SORCS3: variants seen among roughly 807,000 people sequenced by gnomAD.
SORCS3 encodes sortilin related VPS10 domain containing receptor 3, also known as VPS10 domain-containing receptor SorCS3.
Under a neutral mutation model 146.3 loss-of-function variants are expected in SORCS3, and 57 were observed. That is an observed-to-expected ratio of 0.39 (90% CI 0.31 to 0.49). The LOEUF (loss-of-function observed/expected upper bound fraction) is 0.49, where lower values mean the gene tolerates loss of function less well. SORCS3 is among the 20% of genes least tolerant of loss of function. The pLI is 0.92. For synonymous variants in SORCS3, 653 were observed against 618.5 expected (o/e 1.06, Z -0.83); for missense variants, 1,341 against 1,575.5 (o/e 0.85, Z 2.52).
intron 1 of SORCS3, among the ~76,000 whole-genome samples, chr10:104,706,201 C>CTTTTTTTTTTTTTTTTTTTTTTTTTTTTT (rs1162969172): frequency 5.8e-5 from 5 of 85,874 alleles, no homozygotes; most frequent in Non-Finnish European, 8.5e-5. Context: ...TTTTCTTCTT[C>CTTTTTTTTTTTTTTTTTTTTTTTTTTTTT]TTTTTTTTTT....
At chr10:105,017,627 T>C (rs1232334531) in intron 4 of SORCS3, among the ~76,000 whole-genome samples, 1 of 152,218 alleles carries the variant, frequency 6.6e-6, no homozygotes, top group African/African-American at 2.4e-5. Context: ...TCCTAGCACA[T>C]AAAATGTTGC....
intron 7 of SORCS3, among the ~76,000 whole-genome samples, chr10:105,106,498 T>C (rs1203602260): frequency 2.6e-5 from 4 of 152,282 alleles, no homozygotes; most frequent in African/African-American, 9.6e-5. Flanking sequence ...TCTCTCCAAA[T>C]TGCATTTTAC....
At chr10:105,146,404 G>T (rs1233314937) in intron 8 of SORCS3, among the ~76,000 whole-genome samples, 2 of 151,882 alleles carry the variant, frequency 1.3e-5, no homozygotes, top group African/African-American at 4.8e-5. Context: ...TCCAGTCCGG[G>T]ATTAAAACTA....
chr10:105,058,749 G>A (rs1589612947), intron 5 of SORCS3, among the ~76,000 whole-genome samples: 2 of 152,174 alleles, frequency 1.3e-5, no homozygotes, highest in Middle Eastern at 3.4e-3. Flanking sequence ...AATTCAAAGG[G>A]GTGATGACCA....
intron 3 of SORCS3, among the ~76,000 whole-genome samples, chr10:104,921,503 C>CTG (rs752411926): frequency 0.074 from 10,595 of 143,446 alleles, 511 homozygotes; most frequent in South Asian, 0.11. Flanking sequence ...CTCTCTCTCT[C>CTG]TGTGTGTGTG....
At chr10:105,167,952 T>C (rs1428121559) in intron 13 of SORCS3, among the ~76,000 whole-genome samples, 1 of 152,066 alleles carries the variant, frequency 6.6e-6, no homozygotes, top group African/African-American at 2.4e-5. Context: ...GAAGAAATTA[T>C]GGGACGGACT....
intron 1 of SORCS3, among the ~76,000 whole-genome samples, chr10:104,695,107 C>A (rs1312386460): frequency 6.6e-6 from 1 of 152,122 alleles, no homozygotes. Context: ...TGGTTTGGGA[C>A]AGTCAGATCA....
Position 105,200,092 on chromosome 10 carries a change from T to C in SORCS3, c.2103T>C (p.Tyr701=), listed in dbSNP as rs1483587385. Residue 701 remains tyrosine, a synonymous_variant, in exon 15 of 27, where the codon TAT becomes TAC. Transcript: ENST00000369701. ...GCCGGCATTGCACCAAGGAGGACTA[T>C]CAGACCTGGCACCTGCTCAATCAGG... ...IFSRHCTKED[Y]QTWHLLNQGE... 6.2e-7 allele frequency: 1 copy of C among 1,613,478 alleles called. No individual in the cohort carries two copies. The highest frequency in any genetic ancestry group is 8.5e-7 in the Non-Finnish European group (1 of 1,179,566).
intron 22 of SORCS3, among the ~76,000 whole-genome samples, chr10:105,248,451 A>G (rs1199845690): frequency 1.3e-5 from 2 of 152,176 alleles, no homozygotes; most frequent in African/African-American, 2.4e-5. Context: ...GTCATGGACT[A>G]TAAAGAGTAC....
Position 105,074,293 on chromosome 10 carries a change from T to C in SORCS3, c.1029-15482T>C, listed in dbSNP as rs1028651501. On this transcript the variant is annotated intron_variant, in intron 5 of 26. Transcript: ENST00000369701. ...TATCAGCTGCGGTGACTTAGACAAG[T>C]CCCTAGCTCATCTGAGTCTCTAGTC... 2.9e-4 allele frequency among the ~76,000 whole-genome samples: 44 copies of C among 152,178 alleles called. 1 individual carries two copies. Among genetic ancestry groups the C allele is most frequent in the Admixed American group, 2.0e-3 (30 of 15,288 alleles).
At chr10:105,081,578 A>G (rs1252916850) in intron 5 of SORCS3, among the ~76,000 whole-genome samples, 1 of 152,178 alleles carries the variant, frequency 6.6e-6, no homozygotes, top group African/African-American at 2.4e-5. Flanking sequence ...TTTATATGGT[A>G]GGATTTGGAG....
intron 1 of SORCS3, among the ~76,000 whole-genome samples, chr10:104,731,344 A>C (rs774351129): frequency 3.9e-5 from 6 of 152,236 alleles, no homozygotes; most frequent in Non-Finnish European, 8.8e-5. Context: ...AGCCCGAGGC[A>C]GAGATGCAAA....
At chr10:104,873,242 G>A (rs1158856160) in intron 2 of SORCS3, among the ~76,000 whole-genome samples, 1 of 152,186 alleles carries the variant, frequency 6.6e-6, no homozygotes, top group Non-Finnish European at 1.5e-5. Context: ...TCTTCATCCA[G>A]GACCCATTTT....
intron 1 of SORCS3, among the ~76,000 whole-genome samples, chr10:104,760,503 AT>A (rs1224825617): frequency 6.6e-6 from 1 of 152,088 alleles, no homozygotes; most frequent in Non-Finnish European, 1.5e-5. Flanking sequence ...CAAGTTGAAC[AT>A]TTTTCTCAGA....
intron 1 of SORCS3, among the ~76,000 whole-genome samples, chr10:104,643,709 GGT>G (rs3069967): frequency 0.078 from 11,206 of 144,518 alleles, 461 homozygotes; most frequent in Admixed American, 0.13. Flanking sequence ...TGATAATTAG[GGT>G]GTGTGTGTGT....
chr10:105,209,862 A>T (rs1429149851), intron 16 of SORCS3, among the ~76,000 whole-genome samples: 3 of 152,036 alleles, frequency 2.0e-5, no homozygotes, highest in African/African-American at 7.2e-5. Context: ...TCATTAATCA[A>T]TTGGTTCTTC....
chr10:104,703,664 A>G (rs1267071934), intron 1 of SORCS3, among the ~76,000 whole-genome samples: 1 of 150,676 alleles, frequency 6.6e-6, no homozygotes, highest in Non-Finnish European at 1.5e-5. Context: ...CCACCATGTC[A>G]CACGTATACC....
At chr10:104,771,261 T>G (rs1464243323) in intron 1 of SORCS3, among the ~76,000 whole-genome samples, 1 of 152,220 alleles carries the variant, frequency 6.6e-6, no homozygotes, top group Non-Finnish European at 1.5e-5. Context: ...CACATGAAAT[T>G]GAGAAGTGTT....
At position 104,795,048 on chromosome 10, in the gene SORCS3, A is replaced by G. The variant is rs552135977; in HGVS notation, c.628-47744A>G. On this transcript the variant is annotated intron_variant, in intron 1 of 26. Transcript: ENST00000369701. ...AAATATTTTGAAACACTCACTTGAC[A>G]ATACTGAAATGACATTCAAAGACAA... 8.5e-5 allele frequency among the ~76,000 whole-genome samples: 13 copies of G among 152,352 alleles called. 1 individual carries two copies. The highest frequency in any genetic ancestry group is 2.9e-4 in the African/African-American group (12 of 41,590).
Sources: gnomAD v4.1 joint callset for allele counts (sites outside exome capture counted in the v4.1 genomes callset) on GRCh38, gnomAD v4.1.1 for gene constraint, MANE v1.5 for transcripts, NCBI Gene and HGNC (gene_info 2026-07-23, HGNC 2026-07-21) for gene names.